BCLAF3: variants seen among roughly 807,000 people sequenced by gnomAD.
BCLAF3 encodes the protein BCLAF1 and THRAP3 family member 3, also known as transient octamer binding factor 1.
In BCLAF3, 24 loss-of-function variants were observed where a neutral mutation model predicts 51.2. The ratio of observed to expected loss-of-function variants is 0.47; its 90% CI spans 0.34 to 0.66. The LOEUF (loss-of-function observed/expected upper bound fraction) is 0.66. BCLAF3 is among the 30% of genes least tolerant of loss of function. The probability of loss-of-function intolerance (pLI) is 0.01; values close to 1 mark genes in which losing one functional copy is unlikely to be tolerated. For missense variants in BCLAF3, 465 were observed against 525.1 expected (o/e 0.89, Z 1.12); for synonymous variants, 152 against 176.6 (o/e 0.86, Z 1.10).
rs1347646212 is a variant in BCLAF3, at chrX:19,914,506, T to A, written c.*2799A>T. On this transcript the variant is annotated 3_prime_UTR_variant, in exon 12 of 12. Coordinates refer to ENST00000379682, the MANE Select transcript of BCLAF3 (RefSeq NM_001367774.2). Reference sequence around the variant, plus strand: ...GCCTGGAAGTATCCCCGTCTTTTTTTTAAAAAAAAAACTATTCAAAAATGT... The same window carrying A: ...GCCTGGAAGTATCCCCGTCTTTTTTATAAAAAAAAAACTATTCAAAAATGT... 1.8e-5 allele frequency: 2 copies of A among 109,637 alleles called. No individual in the cohort carries two copies. The highest frequency in any genetic ancestry group is 3.8e-5 in the Non-Finnish European group (2 of 52,709). The allele number at this position is 109,637 out of a possible 1,213,427, so 9.0% of individuals were successfully genotyped here.
chrX:19,958,305 C>G (rs1197104788), intron 4 of BCLAF3, among the ~76,000 whole-genome samples: 1 of 111,923 alleles, frequency 8.9e-6, no homozygotes, highest in Non-Finnish European at 1.9e-5. Context: ...AAGAAATGAA[C>G]TGCATGGCAA....
chrX:19,927,158 C>T (rs1026432708), intron 11 of BCLAF3, among the ~76,000 whole-genome samples: 8 of 110,356 alleles, frequency 7.2e-5, no homozygotes, highest in African/African-American at 2.3e-4. Flanking sequence ...ACCCGGGAGG[C>T]GGAGGTTGCA....
chrX:19,953,796 G>A lies in BCLAF3; in HGVS notation c.1547C>T (p.Ser516Leu). 1 of 1,199,233 alleles carries A rather than the reference G, an allele frequency of 8.3e-7. No homozygotes were observed. The highest frequency in any genetic ancestry group is 1.1e-6 in the Non-Finnish European group (1 of 885,582). Residue 516 changes from serine (S) to leucine (L), a missense_variant, in exon 6 of 12, where the codon TCA (serine) becomes TTA (leucine). By Grantham distance (145) the Ser-to-Leu change is moderately radical. Coordinates refer to ENST00000379682, the MANE Select transcript of BCLAF3 (RefSeq NM_001367774.2). Reference protein sequence around the residue: ...KADVNEIPLNSDPEIHRRIDM... With the variant: ...KADVNEIPLNLDPEIHRRIDM... ...TCATTACCTGTGTATTTCTGGATCT[G>A]AATTCAATGGAATTTCATTTACATC...
chrX:19,975,841 T>C (rs927671778), intron 1 of BCLAF3, among the ~76,000 whole-genome samples: 1 of 111,602 alleles, frequency 9.0e-6, no homozygotes, highest in African/African-American at 3.3e-5. Flanking sequence ...TCACTTGGAT[T>C]CCAGAATACT....
In BCLAF3 at chrX:19,913,040, G is replaced by T. The variant is rs1217336098; in HGVS notation, c.*4265C>A. ...TATGTACAGACAGGATTGACGGGGGGAATCCCTAAACTTTTTATTCTAACA... is the reference window on the plus strand; with the variant it reads ...TATGTACAGACAGGATTGACGGGGGTAATCCCTAAACTTTTTATTCTAACA... On this transcript the variant is annotated 3_prime_UTR_variant, in exon 12 of 12. Transcript: ENST00000379682. The T allele has an allele frequency of 9.0e-6, 1 of 111,548 alleles. No homozygotes were observed. The highest frequency in any genetic ancestry group is 1.9e-5 in the Non-Finnish European group (1 of 53,052). 9.2% of individuals were successfully genotyped at this position (111,548 alleles called of 1,213,427 possible).
At chrX:19,936,177 T>A (rs936852996) in intron 9 of BCLAF3, among the ~76,000 whole-genome samples, 1 of 111,671 alleles carries the variant, frequency 9.0e-6, no homozygotes, top group African/African-American at 3.3e-5. Context: ...AATGGGTGAA[T>A]CTGAGAAAAT....
chrX:19,969,998 C>T (rs1339385000), intron 2 of BCLAF3, among the ~76,000 whole-genome samples: 1 of 112,518 alleles, frequency 8.9e-6, no homozygotes, highest in Admixed American at 9.4e-5. Context: ...ATTTCTCACT[C>T]TCTCTTGCTG....
chrX:19,972,604 G>A (rs1164854691), intron 1 of BCLAF3, among the ~76,000 whole-genome samples: 2 of 111,554 alleles, frequency 1.8e-5, no homozygotes, highest in African/African-American at 6.5e-5. Context: ...TCTAGTTGTA[G>A]AACATTTTCA....
At chrX:19,990,239 T>C (rs184888362) in intron 1 of BCLAF3, among the ~76,000 whole-genome samples, 1 of 112,038 alleles carries the variant, frequency 8.9e-6, no homozygotes, top group African/African-American at 3.2e-5. Context: ...CTCCCATTTC[T>C]TTCCCTCGAG....
intron 9 of BCLAF3, 62 bp downstream of exon 9, chrX:19,937,356 C>A (rs767061893): frequency 7.0e-6 from 4 of 573,762 alleles, no homozygotes; most frequent in African/African-American, 2.3e-5. Flanking sequence ...GATCCCTGCA[C>A]ATTTTGATGT....
At chrX:19,926,992 C>T (rs1057142796) in intron 11 of BCLAF3, among the ~76,000 whole-genome samples, 11 of 111,179 alleles carry the variant, frequency 9.9e-5, no homozygotes, top group Non-Finnish European at 2.1e-4. Flanking sequence ...TTTGGGAGGC[C>T]GAGGCAGGTG....
chrX:19,990,594 C>G, intron 1 of BCLAF3, among the ~76,000 whole-genome samples: 1 of 113,382 alleles, frequency 8.8e-6, no homozygotes. Flanking sequence ...CCGCGGGGAC[C>G]GCAACCTGCC....
chrX:19,932,254 G>GT (rs2070588120), intron 10 of BCLAF3, among the ~76,000 whole-genome samples: 1 of 111,970 alleles, frequency 8.9e-6, no homozygotes, highest in African/African-American at 3.2e-5. Flanking sequence ...TACATGGGAA[G>GT]AGTTTTGTCT....
intron 10 of BCLAF3, among the ~76,000 whole-genome samples, chrX:19,932,448 C>A (rs2070597370): frequency 9.3e-6 from 1 of 107,317 alleles, no homozygotes; most frequent in Non-Finnish European, 1.9e-5. Flanking sequence ...ATTACAAAAG[C>A]AAACAAAAGC....
chrX:19,934,827 C>A (rs888044228), intron 10 of BCLAF3, among the ~76,000 whole-genome samples: 1 of 111,953 alleles, frequency 8.9e-6, no homozygotes, highest in African/African-American at 3.2e-5. Flanking sequence ...GTATCTATTA[C>A]AGGCAAGAAA....
At chrX:19,938,833 C>G (rs955993564) in intron 8 of BCLAF3, among the ~76,000 whole-genome samples, 4 of 112,879 alleles carry the variant, frequency 3.5e-5, no homozygotes, top group Admixed American at 9.4e-5. Context: ...TGTACCTCTT[C>G]AAGGAAGAGT....
rs761031144 is a variant in BCLAF3, at chrX:19,965,345, A to G, written c.973T>C (p.Phe325Leu). The G allele has an allele frequency of 8.3e-7, 1 of 1,211,479 alleles. No homozygotes were observed. Among genetic ancestry groups the G allele is most frequent in the Non-Finnish European group, 1.1e-6 (1 of 895,366 alleles). ...GTCTCTCTCCCTCTTCCAGTATTAA[A>G]ACAATCTAACTCTCTATTTAGAGGG... ...KGPLNRELDCFNTGRGRETQD... is the reference protein window; with the variant it reads ...KGPLNRELDCLNTGRGRETQD... Residue 325 changes from phenylalanine to leucine, a missense_variant, in exon 4 of 12, where the codon TTT becomes CTT. By Grantham distance (22) the Phe-to-Leu change is conservative. Coordinates refer to ENST00000379682, the MANE Select transcript of BCLAF3 (RefSeq NM_001367774.2).
At chrX:19,963,117 T>C (rs1283224478) in intron 4 of BCLAF3, among the ~76,000 whole-genome samples, 1 of 109,260 alleles carries the variant, frequency 9.2e-6, no homozygotes, top group East Asian at 2.9e-4. Context: ...GAAAAGTATG[T>C]ATGTTATATG....
At chrX:19,922,772 C>T (rs1465670458) in intron 11 of BCLAF3, among the ~76,000 whole-genome samples, 1 of 110,445 alleles carries the variant, frequency 9.1e-6, no homozygotes, top group Non-Finnish European at 1.9e-5. Flanking sequence ...TTGTGGCATG[C>T]GCCTGTTGTA....
Sources: gnomAD v4.1 joint callset for allele counts (sites outside exome capture counted in the v4.1 genomes callset) on GRCh38, gnomAD v4.1.1 for gene constraint, MANE v1.5 for transcripts, NCBI Gene and HGNC (gene_info 2026-07-23, HGNC 2026-07-21) for gene names.